The following GUCY1A2 variants were observed in gnomAD, a reference collection of about 807,000 sequenced individuals.
The protein encoded by GUCY1A2 is guanylate cyclase soluble subunit alpha-2.
A neutral mutation model predicts 63.5 loss-of-function variants in GUCY1A2; 27 were observed. That is an observed-to-expected ratio of 0.43 (90% CI 0.31 to 0.59). GUCY1A2 has a LOEUF of 0.59. Ranked by LOEUF, GUCY1A2 falls within the 20% of genes least tolerant of loss-of-function variation. The probability of loss-of-function intolerance (pLI) is 0.11; values close to 1 mark genes in which losing one functional copy is unlikely to be tolerated. For missense variants in GUCY1A2, 768 were observed against 913.3 expected, an observed-to-expected ratio of 0.84 and a Z score of 2.05; for synonymous variants, 364 against 343.5, an observed-to-expected ratio of 1.06 and a Z score of -0.66.
intron 4 of GUCY1A2, among the ~76,000 whole-genome samples, chr11:106,913,124 GATA>G (rs1860318325): frequency 2.0e-5 from 3 of 147,320 alleles, no homozygotes; most frequent in Non-Finnish European, 4.6e-5. Context: ...TTTTTCAAAA[GATA>G]TATATATATA....
intron 4 of GUCY1A2, among the ~76,000 whole-genome samples, chr11:106,911,075 G>A (rs1306644662): frequency 1.3e-5 from 2 of 151,790 alleles, no homozygotes; most frequent in Admixed American, 6.6e-5. Flanking sequence ...AAGAGAGGGA[G>A]GAAGGAAGGG....
chr11:106,886,004 T>C (rs1001645272), intron 4 of GUCY1A2, among the ~76,000 whole-genome samples: 4 of 152,116 alleles, frequency 2.6e-5, no homozygotes, highest in Non-Finnish European at 5.9e-5. Context: ...CTGCATTGAA[T>C]TACTGGGGAA....
At chr11:106,920,959 A>G (rs547226912) in intron 4 of GUCY1A2, among the ~76,000 whole-genome samples, 94 of 152,228 alleles carry the variant, frequency 6.2e-4, no homozygotes, top group Non-Finnish European at 1.2e-3. Context: ...AAATTGTCTC[A>G]TTCAGAATCC....
intron 4 of GUCY1A2, among the ~76,000 whole-genome samples, chr11:106,929,234 T>C (rs1860569263): frequency 1.3e-5 from 2 of 152,224 alleles, no homozygotes; most frequent in South Asian, 4.1e-4. Context: ...CTCTTACAAG[T>C]ATAAAATGTT....
At chr11:106,849,796 G>C (rs1859327441) in intron 4 of GUCY1A2, among the ~76,000 whole-genome samples, 3 of 151,636 alleles carry the variant, frequency 2.0e-5, no homozygotes, top group Admixed American at 6.6e-5. Flanking sequence ...CATTATCTTG[G>C]AAAGAATTTA....
rs566480380 is a variant in GUCY1A2 at position 106,680,631 on chromosome 11, G to A, written c.*6918C>T. 1.5e-5 allele frequency: 3 copies of A among 198,328 alleles called. No homozygotes were observed. In the East Asian group the frequency reaches 2.4e-4, roughly 16 times the overall value. The allele number at this position is 198,328 out of a possible 1,614,324, so 12.3% of individuals were successfully genotyped here. ...TTAACCCAAAACCATTCTTACTAAG[G>A]ATTTAAGGATCCAGTGATATACAAG... is the stretch of plus-strand genomic sequence containing the variant. On this transcript the variant is annotated 3_prime_UTR_variant, in exon 8 of 8. Transcript: ENST00000526355.
intron 2 of GUCY1A2, among the ~76,000 whole-genome samples, chr11:106,984,664 C>T (rs540962297): frequency 9.3e-4 from 142 of 152,098 alleles, no homozygotes; most frequent in Non-Finnish European, 1.4e-3. Flanking sequence ...TTAATAATAA[C>T]GATAAACATA....
intron 4 of GUCY1A2, among the ~76,000 whole-genome samples, chr11:106,920,188 AAC>A (rs1360160456): frequency 6.6e-6 from 1 of 151,978 alleles, no homozygotes; most frequent in Non-Finnish European, 1.5e-5. Context: ...CCAGGGCAAT[AAC>A]ACCAAACCGA....
chr11:106,810,505 C>G (rs1310250532), intron 4 of GUCY1A2, 27 bp from the exon 5 acceptor site: 1 of 1,545,184 alleles, frequency 6.5e-7, no homozygotes, highest in Admixed American at 2.0e-5. Flanking sequence ...GAATTTTGAT[C>G]AGTACTCTTC....
chr11:106,752,041 T>C (rs955265124), intron 6 of GUCY1A2, among the ~76,000 whole-genome samples: 1 of 152,224 alleles, frequency 6.6e-6, no homozygotes, highest in African/African-American at 2.4e-5. Flanking sequence ...ACACACAATT[T>C]ATTTGCAAGT....
intron 6 of GUCY1A2, among the ~76,000 whole-genome samples, chr11:106,774,183 G>C (rs1252404594): frequency 6.6e-6 from 1 of 151,716 alleles, no homozygotes; most frequent in Non-Finnish European, 1.5e-5. Flanking sequence ...ACCCAGGCTG[G>C]AGTGCAGTGG....
intron 5 of GUCY1A2, among the ~76,000 whole-genome samples, chr11:106,807,570 A>G (rs371196412): frequency 9.2e-5 from 14 of 152,278 alleles, no homozygotes; most frequent in African/African-American, 3.4e-4. Context: ...CTATACACCT[A>G]TCCTAGATAC....
chr11:106,892,859 A>C (rs1041293845), intron 4 of GUCY1A2, among the ~76,000 whole-genome samples: 6 of 152,150 alleles, frequency 3.9e-5, no homozygotes, highest in African/African-American at 1.4e-4. Flanking sequence ...ATTTACATAC[A>C]AGAGAATTCT....
intron 4 of GUCY1A2, among the ~76,000 whole-genome samples, chr11:106,928,587 C>G (rs927925014): frequency 2.6e-5 from 4 of 151,872 alleles, no homozygotes; most frequent in African/African-American, 9.7e-5. Context: ...CACTTAACAA[C>G]AAGAGAAATA....
chr11:106,811,201 T>C (rs1858757583), intron 4 of GUCY1A2, among the ~76,000 whole-genome samples: 1 of 152,100 alleles, frequency 6.6e-6, no homozygotes, highest in Admixed American at 6.6e-5. Flanking sequence ...TCTATTCCTC[T>C]TTTCTATGCC....
rs1378217777 is a variant in GUCY1A2 at position 106,844,380 on chromosome 11, A to G, written c.1207-33902T>C. Among the ~76,000 whole-genome samples, 3 of 151,934 alleles carry G rather than the reference A, an allele frequency of 2.0e-5. No individual in the cohort carries two copies. The East Asian group carries it at 5.8e-4, about 30-fold the overall frequency. On this transcript the variant is annotated intron_variant, in intron 4 of 7. Coordinates refer to ENST00000526355, the MANE Select transcript of GUCY1A2 (RefSeq NM_000855.3). ...GAGTTCGGAATATGTGCAATACCTA[A>G]GAAACATTTATCACCAGACAAATTC...
intron 6 of GUCY1A2, among the ~76,000 whole-genome samples, chr11:106,732,256 G>T (rs941345678): frequency 6.6e-6 from 1 of 152,026 alleles, no homozygotes; most frequent in South Asian, 2.1e-4. Flanking sequence ...TGACAAAGTC[G>T]ACAGAAACAA....
chr11:106,984,607 T>C (rs1199690472), intron 2 of GUCY1A2, among the ~76,000 whole-genome samples: 1 of 152,228 alleles, frequency 6.6e-6, no homozygotes, highest in Non-Finnish European at 1.5e-5. Context: ...AGAGCATTCA[T>C]AATCCCAGAA....
At chr11:106,866,911 A>T (rs1387415950) in intron 4 of GUCY1A2, among the ~76,000 whole-genome samples, 1 of 152,058 alleles carries the variant, frequency 6.6e-6, no homozygotes, top group African/African-American at 2.4e-5. Flanking sequence ...AATACAAAAA[A>T]AAATCTATTT....
Sources: allele counts gnomAD v4.1 joint callset (sites outside exome capture counted in the v4.1 genomes callset), GRCh38; gene constraint gnomAD v4.1.1; transcripts MANE v1.5; gene names NCBI Gene and HGNC (gene_info 2026-07-23, HGNC 2026-07-21).